Variants in MANBA observed in about 807,000 individuals in gnomAD.
The protein encoded by MANBA is beta-mannosidase.
A neutral mutation model predicts 111.1 loss-of-function variants in MANBA; 83 were observed. The ratio of observed to expected loss-of-function variants is 0.75; its 90% CI spans 0.63 to 0.90. The LOEUF (loss-of-function observed/expected upper bound fraction) is 0.90, where lower values mean the gene tolerates loss of function less well. MANBA is among the 40% of genes least tolerant of loss of function. The pLI is 0.00. For missense variants in MANBA, 1,036 were observed against 1,069.0 expected (o/e 0.97, Z 0.43); for synonymous variants, 370 against 378.7 (o/e 0.98, Z 0.27).
chr4:102,659,102 C>T (rs1730799868), intron 11 of MANBA: 1 of 152,176 alleles, frequency 6.6e-6, no homozygotes, highest in Non-Finnish European at 1.5e-5. Flanking sequence ...CTGTCAAGTA[C>T]TTATACAACA....
At position 102,650,469 on chromosome 4, in the gene MANBA, AC is replaced by A. The variant is rs1001642971; in HGVS notation, c.1869+67del. 3.3e-6 allele frequency: 5 copies of A among 1,495,394 alleles called. No homozygotes were observed. The African/African-American group carries it at 6.9e-5, about 21-fold the overall frequency. 92.6% of individuals were successfully genotyped at this position (1,495,394 alleles called of 1,614,324 possible). On this transcript the variant is annotated intron_variant, in intron 13 of 16. Coordinates refer to ENST00000647097, the MANE Select transcript of MANBA (RefSeq NM_005908.4). ...GAATATTTTTCACCATATATGGCCT[AC>A]AAAATCTACATAATCTCTTACATTA...
intron 5 of MANBA, among the ~76,000 whole-genome samples, chr4:102,700,552 T>A (rs1285419236): frequency 1.3e-5 from 2 of 152,178 alleles, no homozygotes; most frequent in African/African-American, 4.8e-5. Flanking sequence ...GATTCTGGTA[T>A]GTTGTGTCTT....
At chr4:102,731,933 G>A (rs1723046521) in intron 1 of MANBA, among the ~76,000 whole-genome samples, 1 of 151,302 alleles carries the variant, frequency 6.6e-6, no homozygotes, top group Admixed American at 6.6e-5. Flanking sequence ...TTGAGATGGA[G>A]TTTCACTCTT....
intron 2 of MANBA, among the ~76,000 whole-genome samples, chr4:102,725,388 G>C (rs1722755129): frequency 6.6e-6 from 1 of 152,030 alleles, no homozygotes; most frequent in Non-Finnish European, 1.5e-5. Context: ...AGGAAGTGCT[G>C]ACAGCATGAA....
chr4:102,694,579 A>C (rs553807118), intron 5 of MANBA, among the ~76,000 whole-genome samples: 68 of 152,254 alleles, frequency 4.5e-4, no homozygotes, highest in African/African-American at 1.5e-3. Context: ...AACACTTATC[A>C]TCACCAGCTC....
chr4:102,709,330 G>T (rs1297159793), intron 5 of MANBA, among the ~76,000 whole-genome samples: 1 of 122,450 alleles, frequency 8.2e-6, no homozygotes, highest in East Asian at 2.2e-4. Flanking sequence ...AAAAGAAAAA[G>T]AAAGGAAGGA....
At chr4:102,697,730 G>A (rs1312498193) in intron 5 of MANBA, among the ~76,000 whole-genome samples, 1 of 150,280 alleles carries the variant, frequency 6.7e-6, no homozygotes, top group Non-Finnish European at 1.5e-5. Context: ...GTGTATATGT[G>A]CCACATTTTC....
At chr4:102,694,685 A>G (rs1001244758) in intron 5 of MANBA, among the ~76,000 whole-genome samples, 1 of 152,090 alleles carries the variant, frequency 6.6e-6, no homozygotes, top group African/African-American at 2.4e-5. Flanking sequence ...AATCCCCTAC[A>G]GAGCTCATCC....
At chr4:102,758,118 T>C (rs867190741) in intron 1 of MANBA, among the ~76,000 whole-genome samples, 5 of 152,250 alleles carry the variant, frequency 3.3e-5, no homozygotes, top group Admixed American at 1.3e-4. Context: ...ATAGCAATGC[T>C]TTCCAACCAG....
At chr4:102,698,717 T>A (rs927816191) in intron 5 of MANBA, among the ~76,000 whole-genome samples, 4 of 151,960 alleles carry the variant, frequency 2.6e-5, no homozygotes, top group Non-Finnish European at 4.4e-5. Context: ...TTGATCTATA[T>A]CTCTGTTTTG....
chr4:102,689,192 T>C (rs573693202), intron 7 of MANBA, among the ~76,000 whole-genome samples: 1 of 151,990 alleles, frequency 6.6e-6, no homozygotes, highest in South Asian at 2.1e-4. Flanking sequence ...CTACTAAAAA[T>C]ACAAAAGTTA....
chr4:102,696,850 C>A (rs1319238630), intron 5 of MANBA, among the ~76,000 whole-genome samples: 1 of 152,270 alleles, frequency 6.6e-6, no homozygotes, highest in East Asian at 1.9e-4. Flanking sequence ...ATGAAATGAA[C>A]AAGCCATGGA....
chr4:102,698,183 GC>G (rs1732824866), intron 5 of MANBA, among the ~76,000 whole-genome samples: 1 of 152,084 alleles, frequency 6.6e-6, no homozygotes, highest in African/African-American at 2.4e-5. Context: ...CATGTCCTTT[GC>G]CCACTTTTTG....
At chr4:102,645,569 G>T (rs1361755156) in intron 13 of MANBA, among the ~76,000 whole-genome samples, 2 of 151,958 alleles carry the variant, frequency 1.3e-5, no homozygotes, top group African/African-American at 2.4e-5. Flanking sequence ...TTGTTATAGG[G>T]CTATTAAGAT....
At chr4:102,654,885 A>G (rs567294802) in intron 12 of MANBA, among the ~76,000 whole-genome samples, 1 of 152,184 alleles carries the variant, frequency 6.6e-6, no homozygotes, top group Non-Finnish European at 1.5e-5. Context: ...GAAAGGAAGA[A>G]GCAATATTAT....
chr4:102,712,852 C>A (rs764271908), intron 5 of MANBA, among the ~76,000 whole-genome samples: 7 of 152,076 alleles, frequency 4.6e-5, no homozygotes, highest in Non-Finnish European at 8.8e-5. Flanking sequence ...ACACCAGATT[C>A]TGTTATTTAT....
chr4:102,749,434 T>C (rs1414150493), intron 1 of MANBA, among the ~76,000 whole-genome samples: 2 of 152,222 alleles, frequency 1.3e-5, no homozygotes, highest in African/African-American at 4.8e-5. Flanking sequence ...GAGAAAATGT[T>C]TACATTTTTT....
rs1021845901 is a variant in MANBA at position 102,702,879 on chromosome 4, G to A, written c.673+11559C>T. Among the ~76,000 whole-genome samples the A allele has an allele frequency of 6.2e-4, 94 of 152,238 alleles. 1 individual carries two copies. Among genetic ancestry groups the A allele is most frequent in the African/African-American group, 2.2e-3 (91 of 41,544 alleles). ...ACAAAGATGACAGTATCTCTTTCTA[G>A]CCTCAACAGGGGGAAGGCAGAAAGT... On this transcript the variant is annotated intron_variant, in intron 5 of 16. Transcript: ENST00000647097.
Position 102,635,993 on chromosome 4 carries a change from A to T in MANBA, c.2029T>A (p.Trp677Arg). The T allele has an allele frequency of 6.2e-7, 1 of 1,613,816 alleles. No individual in the cohort carries two copies. The highest frequency in any genetic ancestry group is 8.5e-7 in the Non-Finnish European group (1 of 1,179,710). ...SWASLEYGGKWKMLHYFAQNF... is the reference protein window; with the variant it reads ...SWASLEYGGKRKMLHYFAQNF... ...TGAGCAAAGTAATGAAGCATTTTCC[A>T]CTTTCCTCCGTACTCTGAAAATAAT... is the stretch of plus-strand genomic sequence containing the variant. The change falls in exon 15 of 17, where the codon TGG becomes AGG. Residue 677 changes from tryptophan to arginine, a missense_variant. Physicochemically the swap from Trp to Arg is moderately radical, Grantham distance 101. Coordinates refer to ENST00000647097, the MANE Select transcript of MANBA (RefSeq NM_005908.4).
Sources: gnomAD v4.1 joint callset for allele counts (sites outside exome capture counted in the v4.1 genomes callset) on GRCh38, gnomAD v4.1.1 for gene constraint, MANE v1.5 for transcripts, NCBI Gene and HGNC (gene_info 2026-07-23, HGNC 2026-07-21) for gene names.